CAMK1D: variants seen among roughly 807,000 people sequenced by gnomAD.
CAMK1D encodes calcium/calmodulin dependent protein kinase ID.
A neutral mutation model predicts 47.7 loss-of-function variants in CAMK1D; 9 were observed. The ratio of observed to expected loss-of-function variants is 0.19; its 90% confidence interval spans 0.11 to 0.33. The LOEUF is 0.33. CAMK1D is among the 10% of genes least tolerant of loss of function. The probability of loss-of-function intolerance (pLI) is 1.00; values close to 1 mark genes in which losing one functional copy is unlikely to be tolerated. For synonymous variants in CAMK1D, 184 were observed against 184.9 expected (o/e 0.99, Z 0.04); for missense variants, 291 against 488.7 (o/e 0.60, Z 3.81).
chr10:12,695,066 A>AGATAGATACCTAGGTAGATT (rs58711322), intron 3 of CAMK1D, among the ~76,000 whole-genome samples: 6,045 of 139,416 alleles, frequency 0.043, 134 homozygotes, highest in East Asian at 0.091. Context: ...ATAGATAGAT[A>AGATAGATACCTAGGTAGATT]CATAGGTAGA....
intron 6 of CAMK1D, among the ~76,000 whole-genome samples, chr10:12,807,341 C>T (rs79326519): frequency 0.039 from 5,929 of 152,308 alleles, 196 homozygotes; most frequent in Middle Eastern, 0.092. Flanking sequence ...AGCACTGATG[C>T]GGCCACAAGC....
chr10:12,733,390 G>A (rs1379487151), intron 3 of CAMK1D, among the ~76,000 whole-genome samples: 2 of 152,226 alleles, frequency 1.3e-5, no homozygotes, highest in African/African-American at 4.8e-5. Flanking sequence ...TAGGTGGGGA[G>A]TCATAAACAA....
chr10:12,379,707 C>T (rs887892467), intron 1 of CAMK1D, among the ~76,000 whole-genome samples: 5 of 151,624 alleles, frequency 3.3e-5, no homozygotes, highest in Non-Finnish European at 5.9e-5. Flanking sequence ...GAGCCGAGAT[C>T]GTGCCACTGC....
intron 6 of CAMK1D, among the ~76,000 whole-genome samples, chr10:12,801,354 T>TATCTATCTATCTATCTTATCTATC (rs57429397): frequency 4.8e-4 from 32 of 66,552 alleles, no homozygotes; most frequent in South Asian, 1.1e-3. Flanking sequence ...TCTATCTATC[T>TATCTATCTATCTATCTTATCTATC]TATCTATCTA....
intron 1 of CAMK1D, among the ~76,000 whole-genome samples, chr10:12,367,993 C>T (rs1036183436): frequency 6.6e-6 from 1 of 152,050 alleles, no homozygotes; most frequent in Non-Finnish European, 1.5e-5. Context: ...GAGATCGAGA[C>T]CATCCTGGCT....
intron 1 of CAMK1D, among the ~76,000 whole-genome samples, chr10:12,370,474 G>C (rs968483988): frequency 6.6e-6 from 1 of 152,154 alleles, no homozygotes; most frequent in South Asian, 2.1e-4. Context: ...AGAAAGCGTT[G>C]TTATCGTAGG....
intron 8 of CAMK1D, among the ~76,000 whole-genome samples, chr10:12,821,779 A>T (rs1328103634): frequency 6.6e-6 from 1 of 152,200 alleles, no homozygotes; most frequent in Admixed American, 6.5e-5. Flanking sequence ...GTTCAAGACC[A>T]GCCTGGCCAA....
intron 1 of CAMK1D, among the ~76,000 whole-genome samples, chr10:12,479,003 T>A (rs1833983652): frequency 6.6e-6 from 1 of 152,162 alleles, no homozygotes; most frequent in Non-Finnish European, 1.5e-5. Flanking sequence ...GTGCGCCCAA[T>A]TAACTCTTTT....
intron 2 of CAMK1D, among the ~76,000 whole-genome samples, chr10:12,640,826 G>T (rs1262298873): frequency 6.6e-6 from 1 of 152,166 alleles, no homozygotes; most frequent in African/African-American, 2.4e-5. Flanking sequence ...GTTTTTTTCA[G>T]TGTGTGGAAA....
chr10:12,472,222 T>C (rs1181604436), intron 1 of CAMK1D, among the ~76,000 whole-genome samples: 1 of 152,150 alleles, frequency 6.6e-6, no homozygotes, highest in African/African-American at 2.4e-5. Context: ...TCTGCCTTCA[T>C]TTCCCCCTTG....
chr10:12,823,236 GT>G (rs1202147360), intron 8 of CAMK1D, among the ~76,000 whole-genome samples: 10 of 152,170 alleles, frequency 6.6e-5, no homozygotes, highest in African/African-American at 2.4e-4. Flanking sequence ...GGGGTGAGAG[GT>G]TTTCTCCCTT....
At chr10:12,814,454 T>C (rs539399939) in intron 7 of CAMK1D, 147 bp downstream of exon 7, 1 of 538,580 alleles carries the variant, frequency 1.9e-6, no homozygotes, top group African/African-American at 1.9e-5. Flanking sequence ...CAAGATACCA[T>C]AGACTGGGTG....
chr10:12,441,022 G>A (rs73587084), intron 1 of CAMK1D, among the ~76,000 whole-genome samples: 2,405 of 152,318 alleles, frequency 0.016, 41 homozygotes, highest in East Asian at 0.056. Flanking sequence ...CCAGAGGCCA[G>A]GAAGAATTTG....
chr10:12,735,139 A>G (rs1835121264), intron 3 of CAMK1D, among the ~76,000 whole-genome samples: 1 of 152,160 alleles, frequency 6.6e-6, no homozygotes, highest in Non-Finnish European at 1.5e-5. Flanking sequence ...ATCTCGAGAG[A>G]TAAGTGGAAT....
intron 1 of CAMK1D, among the ~76,000 whole-genome samples, chr10:12,544,883 A>G (rs527367957): frequency 1.0e-3 from 154 of 152,232 alleles, no homozygotes; most frequent in African/African-American, 3.5e-3. Flanking sequence ...AGTGGATGGT[A>G]CTAGTGTTGA....
At chr10:12,701,655 A>G (rs1312480053) in intron 3 of CAMK1D, among the ~76,000 whole-genome samples, 2 of 152,216 alleles carry the variant, frequency 1.3e-5, no homozygotes, top group Admixed American at 6.5e-5. Flanking sequence ...AGTGACCTTC[A>G]TGTCATTTCC....
intron 4 of CAMK1D, among the ~76,000 whole-genome samples, chr10:12,766,842 C>A (rs1836787323): frequency 6.6e-6 from 1 of 152,040 alleles, no homozygotes; most frequent in African/African-American, 2.4e-5. Context: ...GCTGCGCAGG[C>A]CTGGCAGGGG....
chr10:12,794,855 C>T (rs886609819), intron 6 of CAMK1D, among the ~76,000 whole-genome samples: 57 of 152,280 alleles, frequency 3.7e-4, no homozygotes, highest in African/African-American at 1.3e-3. Flanking sequence ...AACACGACTG[C>T]ACTTGGAGTA....
intron 1 of CAMK1D, among the ~76,000 whole-genome samples, chr10:12,434,495 C>T (rs1832573019): frequency 6.6e-6 from 1 of 152,192 alleles, no homozygotes; most frequent in African/African-American, 2.4e-5. Context: ...ATTGGCTTGG[C>T]TCCAGGCTCA....
Sources: allele counts gnomAD v4.1 joint callset (sites outside exome capture counted in the v4.1 genomes callset), GRCh38; gene constraint gnomAD v4.1.1; transcripts MANE v1.5; gene names NCBI Gene and HGNC (gene_info 2026-07-23, HGNC 2026-07-21).